HCRTR2: variants seen among roughly 807,000 people sequenced by gnomAD.
HCRTR2 encodes orexin receptor type 2.
A neutral mutation model predicts 49.0 loss-of-function variants in HCRTR2; 22 were observed. The observed-to-expected ratio is 0.45, with a 90% confidence interval of 0.32 to 0.64. The LOEUF (loss-of-function observed/expected upper bound fraction) is 0.64. Among genes scored for constraint, HCRTR2 ranks in the 30% least tolerant of loss-of-function variants. HCRTR2 has a pLI of 0.04. For synonymous variants in HCRTR2, 236 were observed against 205.3 expected, an observed-to-expected ratio of 1.15 and a Z score of -1.28; for missense variants, 491 against 559.4, an observed-to-expected ratio of 0.88 and a Z score of 1.23.
chr6:55,261,533 G>T (rs1646969930), intron 3 of HCRTR2, among the ~76,000 whole-genome samples: 1 of 151,942 alleles, frequency 6.6e-6, no homozygotes, highest in African/African-American at 2.4e-5. Flanking sequence ...GTCTCCCAAA[G>T]TACTGGGATT....
chr6:55,281,297 T>A (rs1309877855), intron 6 of HCRTR2, among the ~76,000 whole-genome samples: 1 of 152,142 alleles, frequency 6.6e-6, no homozygotes, highest in African/African-American at 2.4e-5. Flanking sequence ...TGATGAGAAA[T>A]AATTTTGTTC....
chr6:55,195,959 G>A (rs1231290964), intron 1 of HCRTR2, among the ~76,000 whole-genome samples: 3 of 152,110 alleles, frequency 2.0e-5, no homozygotes, highest in South Asian at 2.1e-4. Flanking sequence ...GCGACAGAGC[G>A]AGACTTCGTC....
At chr6:55,217,109 C>G (rs1765801257) in intron 1 of HCRTR2, among the ~76,000 whole-genome samples, 1 of 152,152 alleles carries the variant, frequency 6.6e-6, no homozygotes, top group South Asian at 2.1e-4. Context: ...GCAGAGGAGT[C>G]CTGAGCAGCC....
intron 1 of HCRTR2, among the ~76,000 whole-genome samples, chr6:55,205,909 G>A (rs772804126): frequency 7.9e-5 from 12 of 151,848 alleles, no homozygotes; most frequent in African/African-American, 2.4e-4. Context: ...TATTATAATT[G>A]TAGCGTTGCA....
chr6:55,219,412 T>A (rs2127295124), intron 1 of HCRTR2, among the ~76,000 whole-genome samples: 1 of 152,280 alleles, frequency 6.6e-6, no homozygotes, highest in South Asian at 2.1e-4. Flanking sequence ...ATTTCACCAA[T>A]ATGTGTACAT....
chr6:55,196,639 G>A (rs1208394880), intron 1 of HCRTR2, among the ~76,000 whole-genome samples: 1 of 152,062 alleles, frequency 6.6e-6, no homozygotes, highest in Non-Finnish European at 1.5e-5. Context: ...AGATTTGAAT[G>A]GCTGTACTTC....
chr6:55,187,682 CTTT>C (rs5876430), intron 1 of HCRTR2, among the ~76,000 whole-genome samples: 6 of 102,228 alleles, frequency 5.9e-5, no homozygotes, highest in African/African-American at 7.5e-5. Flanking sequence ...ATTATTTGAT[CTTT>C]TTTTTTTTTT....
intron 1 of HCRTR2, among the ~76,000 whole-genome samples, chr6:55,109,837 G>A (rs571728665): frequency 2.0e-5 from 3 of 152,142 alleles, no homozygotes; most frequent in Admixed American, 1.3e-4. Context: ...AGGTGCTAGA[G>A]ACCTAAACAT....
At position 55,174,743 on chromosome 6, in the gene HCRTR2, A is replaced by G; in HGVS notation, c.156A>G (p.Glu52=). Residue 52 remains glutamate, a synonymous_variant, in exon 1 of 7, where the codon GAA becomes GAG. Transcript: ENST00000370862. ...GGAGGGAATACCTGCACCCGAAAGA[A>G]TATGAGTGGGTCCTGATCGCCGGGT... ...YLWREYLHPK[E]YEWVLIAGYI... is the part of the protein sequence containing the mutation. The G allele has an allele frequency of 6.2e-7, 1 of 1,614,092 alleles. No homozygotes were observed. The highest frequency in any genetic ancestry group is 2.2e-5 in the East Asian group (1 of 44,854).
chr6:55,248,664 C>G lies in HCRTR2; in HGVS notation c.249C>G (p.His83Gln). The change falls in exon 2 of 7, where the codon CAC becomes CAG. Residue 83 changes from histidine to glutamine, a missense_variant. Transcript: ENST00000370862. ...VLVCVAVWKNHHMRTVTNYFI... is the reference protein window; with the variant it reads ...VLVCVAVWKNQHMRTVTNYFI... ...TTTGTGTGGCAGTGTGGAAGAACCACCACATGAGGACGGTAACCAACTACT... is the reference window on the plus strand; with the variant it reads ...TTTGTGTGGCAGTGTGGAAGAACCAGCACATGAGGACGGTAACCAACTACT... 6.2e-7 allele frequency: 1 copy of G among 1,613,314 alleles called. No homozygotes were observed. Among genetic ancestry groups the G allele is most frequent in the Non-Finnish European group, 8.5e-7 (1 of 1,179,404 alleles).
At chr6:55,281,541 CTG>C (rs898385025) in intron 6 of HCRTR2, among the ~76,000 whole-genome samples, 4 of 152,150 alleles carry the variant, frequency 2.6e-5, no homozygotes, top group Non-Finnish European at 5.9e-5. Context: ...CATTTAATCA[CTG>C]ATAACTCAGT....
chr6:55,278,840 T>C (rs1333905147), intron 5 of HCRTR2, among the ~76,000 whole-genome samples: 1 of 151,668 alleles, frequency 6.6e-6, no homozygotes, highest in Admixed American at 6.6e-5. Flanking sequence ...TATAAACATG[T>C]TATGTTACTG....
At chr6:55,189,170 G>A (rs1253661364) in intron 1 of HCRTR2, among the ~76,000 whole-genome samples, 3 of 152,130 alleles carry the variant, frequency 2.0e-5, no homozygotes, top group Non-Finnish European at 4.4e-5. Context: ...GTGTATTATG[G>A]TGGATTGGAT....
At chr6:55,245,714 G>A (rs1329302399) in intron 1 of HCRTR2, among the ~76,000 whole-genome samples, 1 of 151,314 alleles carries the variant, frequency 6.6e-6, no homozygotes, top group Non-Finnish European at 1.5e-5. Flanking sequence ...AGGGTGATGG[G>A]GAATGAAAAG....
At chr6:55,150,505 C>A (rs980470611) in intron 1 of HCRTR2, among the ~76,000 whole-genome samples, 5 of 151,940 alleles carry the variant, frequency 3.3e-5, no homozygotes, top group Non-Finnish European at 5.9e-5. Flanking sequence ...ATTTCCACCT[C>A]CCCCGGCCCT....
At chr6:55,203,459 T>C (rs1765545912) in intron 1 of HCRTR2, among the ~76,000 whole-genome samples, 1 of 152,204 alleles carries the variant, frequency 6.6e-6, no homozygotes, top group Non-Finnish European at 1.5e-5. Flanking sequence ...AAACAAATCC[T>C]GTCTTCCTGG....
At chr6:55,203,873 G>GTT (rs796263516) in intron 1 of HCRTR2, among the ~76,000 whole-genome samples, 11 of 147,710 alleles carry the variant, frequency 7.4e-5, no homozygotes, top group African/African-American at 2.2e-4. Context: ...AGGACTTAAG[G>GTT]TTTTTTTTTT....
At chr6:55,147,988 G>A (rs1027024780) in intron 1 of HCRTR2, among the ~76,000 whole-genome samples, 4 of 148,100 alleles carry the variant, frequency 2.7e-5, no homozygotes, top group Admixed American at 2.0e-4. Context: ...CATGATGGGA[G>A]GTAGAATGAA....
chr6:55,120,557 T>C (rs1159000543), intron 1 of HCRTR2, among the ~76,000 whole-genome samples: 1 of 143,556 alleles, frequency 7.0e-6, no homozygotes, highest in Non-Finnish European at 1.5e-5. Context: ...GCTCACTGTT[T>C]GTTATTGTTG....
Sources: gnomAD v4.1 joint callset for allele counts (sites outside exome capture counted in the v4.1 genomes callset) on GRCh38, gnomAD v4.1.1 for gene constraint, MANE v1.5 for transcripts, NCBI Gene and HGNC (gene_info 2026-07-23, HGNC 2026-07-21) for gene names.